ANKRD17: variants seen among roughly 807,000 people sequenced by gnomAD.
The protein encoded by ANKRD17 is ankyrin repeat domain-containing protein 17.
ANKRD17 carries 19 observed loss-of-function variants against 229.7 expected under a neutral mutation model. The ratio of observed to expected loss-of-function variants is 0.08; its 90% CI spans 0.06 to 0.12. The LOEUF is 0.12. Among genes scored for constraint, ANKRD17 ranks in the 10% least tolerant of loss-of-function variants. The probability of loss-of-function intolerance (pLI) is 1.00; values close to 1 mark genes in which losing one functional copy is unlikely to be tolerated. For synonymous variants in ANKRD17, 1,112 were observed against 1,146.1 expected, an observed-to-expected ratio of 0.97 and a Z score of 0.60; for missense variants, 2,176 against 3,176.8, an observed-to-expected ratio of 0.68 and a Z score of 7.57.
At chr4:73,171,178 G>GGAGAGAGAGA (rs56882212) in intron 2 of ANKRD17, among the ~76,000 whole-genome samples, 3,993 of 104,354 alleles carry the variant, frequency 0.038, 233 homozygotes, top group Middle Eastern at 0.058. Flanking sequence ...CTCAGAGGGG[G>GGAGAGAGAGA]GAGAGAGAGA....
chr4:73,173,535 G>C (rs1354474154), intron 2 of ANKRD17, among the ~76,000 whole-genome samples: 1 of 152,182 alleles, frequency 6.6e-6, no homozygotes, highest in Non-Finnish European at 1.5e-5. Context: ...AAGAACCACT[G>C]CAGGAACATT....
intron 29 of ANKRD17, among the ~76,000 whole-genome samples, chr4:73,087,470 C>A (rs994587919): frequency 5.3e-5 from 8 of 152,164 alleles, no homozygotes; most frequent in Admixed American, 4.6e-4. Flanking sequence ...TGAATCTAAT[C>A]ATGGATTGAC....
intron 23 of ANKRD17, 96 bp from the exon 24 acceptor site, chr4:73,114,004 C>A: frequency 1.3e-6 from 1 of 799,192 alleles, no homozygotes; most frequent in Non-Finnish European, 2.0e-6. Flanking sequence ...GGTACTCAAA[C>A]CTAAGCAATA....
chr4:73,148,850 T>C lies in ANKRD17; in HGVS notation c.1530A>G (p.Glu510=). Residue 510 remains glutamate (E), a synonymous_variant, in exon 8 of 34, where the codon GAA becomes GAG. Coordinates refer to ENST00000358602, the MANE Select transcript of ANKRD17 (RefSeq NM_032217.5). Reference sequence around the variant, plus strand: ...GTAATGCCACCATTTCTTCATGTCCTTCTCGAGCTGCTTCCATCAATGGTG... The same window carrying C: ...GTAATGCCACCATTTCTTCATGTCCCTCTCGAGCTGCTTCCATCAATGGTG... The part of the protein sequence containing the change: ...GYTPLMEAAR[E]GHEEMVALLL... The C allele has an allele frequency of 6.2e-7, 1 of 1,614,072 alleles. No individual in the cohort carries two copies. Among genetic ancestry groups the C allele is most frequent in the Non-Finnish European group, 8.5e-7 (1 of 1,179,942 alleles).
chr4:73,100,890 G>C (rs905745813), intron 25 of ANKRD17: 1 of 985,124 alleles, frequency 1.0e-6, no homozygotes, highest in African/African-American at 1.7e-5. Context: ...GTGGTTTCAT[G>C]GCAATGGTTC....
At chr4:73,123,844 G>T (rs912617128) in intron 18 of ANKRD17, among the ~76,000 whole-genome samples, 1 of 151,820 alleles carries the variant, frequency 6.6e-6, no homozygotes, top group African/African-American at 2.4e-5. Context: ...CAAATGGGAG[G>T]TAACAGTTCC....
intron 29 of ANKRD17, among the ~76,000 whole-genome samples, chr4:73,087,782 G>A (rs1305610743): frequency 6.6e-6 from 1 of 152,098 alleles, no homozygotes; most frequent in Non-Finnish European, 1.5e-5. Context: ...AAAGTATTTA[G>A]GGGTAAAGTA....
intron 32 of ANKRD17, 43 bp from the exon 33 acceptor site, chr4:73,077,147 T>A: frequency 2.6e-6 from 4 of 1,513,030 alleles, no homozygotes; most frequent in Non-Finnish European, 3.5e-6. Flanking sequence ...AAGTCATTGT[T>A]CATTTTTCCC....
intron 16 of ANKRD17, among the ~76,000 whole-genome samples, chr4:73,133,421 G>A (rs1466286800): frequency 1.2e-4 from 15 of 123,482 alleles, no homozygotes; most frequent in Non-Finnish European, 1.9e-4. Flanking sequence ...ACAGAGTTTC[G>A]CTCTTGTTGC....
chr4:73,181,697 T>C (rs1165354164), intron 1 of ANKRD17, among the ~76,000 whole-genome samples: 1 of 152,070 alleles, frequency 6.6e-6, no homozygotes, highest in Non-Finnish European at 1.5e-5. Context: ...TCATTTTGAA[T>C]CACAACCAAC....
intron 24 of ANKRD17, among the ~76,000 whole-genome samples, chr4:73,108,471 A>T (rs1724908782): frequency 6.6e-6 from 1 of 152,196 alleles, no homozygotes; most frequent in African/African-American, 2.4e-5. Context: ...CTTTTCGCTA[A>T]AAGGTAGGGG....
In ANKRD17 at chr4:73,119,162, T is replaced by C. The variant is rs189244987; in HGVS notation, c.4026-312A>G. On this transcript the variant is annotated intron_variant, in intron 21 of 33. Coordinates refer to ENST00000358602, the MANE Select transcript of ANKRD17 (RefSeq NM_032217.5). ...TCAACCTCTCAAAGTGCTGGAATTA[T>C]AGGCATTGTCACCACACCTAGCCTA... Among the ~76,000 whole-genome samples the C allele has an allele frequency of 7.7e-3, 1,176 of 152,204 alleles. 3 individuals carry two copies. The highest frequency in any genetic ancestry group is 0.01 in the Non-Finnish European group (689 of 67,990).
intron 11 of ANKRD17, among the ~76,000 whole-genome samples, chr4:73,143,952 G>C (rs1729920247): frequency 6.6e-6 from 1 of 152,058 alleles, no homozygotes; most frequent in Non-Finnish European, 1.5e-5. Context: ...TGTTGTCCAG[G>C]CTAGTCTTGA....
At chr4:73,188,886 G>C (rs2149051095) in intron 1 of ANKRD17, among the ~76,000 whole-genome samples, 1 of 152,206 alleles carries the variant, frequency 6.6e-6, no homozygotes, top group East Asian at 1.9e-4. Context: ...AGAAAGTTGA[G>C]CACATCTATG....
At chr4:73,095,919 G>A (rs1723249109) in intron 27 of ANKRD17, among the ~76,000 whole-genome samples, 1 of 152,054 alleles carries the variant, frequency 6.6e-6, no homozygotes, top group Non-Finnish European at 1.5e-5. Context: ...TGAACTCATA[G>A]TCTCAAGTGA....
At chr4:73,118,878 GTCTT>G in intron 21 of ANKRD17, 28 bp from the exon 22 acceptor site, 5 of 946,362 alleles carry the variant, frequency 5.3e-6, no homozygotes, top group South Asian at 1.8e-5. Context: ...AGATAGCATT[GTCTT>G]TTTTTTTTTT....
At chr4:73,234,598 G>A (rs1424695657) in intron 1 of ANKRD17, among the ~76,000 whole-genome samples, 1 of 152,184 alleles carries the variant, frequency 6.6e-6, no homozygotes, top group Non-Finnish European at 1.5e-5. Flanking sequence ...AAGCAGGTAG[G>A]GCACGCGTAT....
chr4:73,246,100 T>C (rs1182144505), intron 1 of ANKRD17, among the ~76,000 whole-genome samples: 2 of 152,142 alleles, frequency 1.3e-5, no homozygotes, highest in Non-Finnish European at 2.9e-5. Context: ...AAGAATCATC[T>C]AAAGAACTAA....
chr4:73,086,919 A>AT (rs1553911001), intron 29 of ANKRD17, among the ~76,000 whole-genome samples: 6 of 12,466 alleles, frequency 4.8e-4, no homozygotes, highest in East Asian at 1.7e-3. Flanking sequence ...AAAAAAAAAA[A>AT]ATATATATAT....
Sources: allele counts gnomAD v4.1 joint callset (sites outside exome capture counted in the v4.1 genomes callset), GRCh38; gene constraint gnomAD v4.1.1; transcripts MANE v1.5; gene names NCBI Gene and HGNC (gene_info 2026-07-23, HGNC 2026-07-21).